The following RAB10 variants were observed in gnomAD, a reference collection of about 807,000 sequenced individuals.
RAB10 encodes ras-related protein Rab-10.
A neutral mutation model predicts 25.7 loss-of-function variants in RAB10; 5 were observed. That is an observed-to-expected ratio of 0.19 (90% confidence interval 0.10 to 0.41). The LOEUF (loss-of-function observed/expected upper bound fraction) is 0.41, where lower values mean the gene tolerates loss of function less well. Ranked by LOEUF, RAB10 falls within the 10% of genes least tolerant of loss-of-function variation. RAB10 has a pLI of 1.00. For missense variants in RAB10, 103 were observed against 245.8 expected, an observed-to-expected ratio of 0.42 and a Z score of 3.89; for synonymous variants, 89 against 86.4, an observed-to-expected ratio of 1.03 and a Z score of -0.16.
intron 1 of RAB10, among the ~76,000 whole-genome samples, chr2:26,085,465 G>A (rs1424446771): frequency 6.6e-6 from 1 of 150,790 alleles, no homozygotes; most frequent in Admixed American, 6.6e-5. Flanking sequence ...CTCCAGCCTG[G>A]GTGGCAGAGC....
chr2:26,080,846 C>T (rs1666854349), intron 1 of RAB10, among the ~76,000 whole-genome samples: 1 of 152,092 alleles, frequency 6.6e-6, no homozygotes, highest in Non-Finnish European at 1.5e-5. Flanking sequence ...GAGAGAAACT[C>T]TGTAGATACC....
intron 2 of RAB10, 36 bp from the exon 3 acceptor site, chr2:26,109,732 A>C: frequency 6.6e-7 from 1 of 1,505,872 alleles, no homozygotes; most frequent in East Asian, 2.5e-5. Flanking sequence ...AGTAATATCA[A>C]AATGCTTAAT....
chr2:26,086,808 A>G (rs915937048), intron 1 of RAB10, among the ~76,000 whole-genome samples: 27 of 152,260 alleles, frequency 1.8e-4, no homozygotes, highest in Admixed American at 7.9e-4. Context: ...AAAACGGTAT[A>G]CTAATATGTG....
chr2:26,041,048 TTC>T (rs1287162847), intron 1 of RAB10, among the ~76,000 whole-genome samples: 1 of 152,174 alleles, frequency 6.6e-6, no homozygotes, highest in Non-Finnish European at 1.5e-5. Flanking sequence ...TTTTTTTTTT[TTC>T]TCATGTGTGC....
At chr2:26,056,941 T>A (rs7599132) in intron 1 of RAB10, among the ~76,000 whole-genome samples, 122,432 of 152,164 alleles carry the variant, frequency 0.8, 49,306 homozygotes, top group East Asian at 0.87. Context: ...GTGTGGTGCC[T>A]ACTATGAAGG....
chr2:26,033,831 C>T (rs1665692320), upstream of RAB10, among the ~76,000 whole-genome samples: 1 of 152,194 alleles, frequency 6.6e-6, no homozygotes, highest in South Asian at 2.1e-4. Context: ...TGCGCAGTCG[C>T]TAGGTAGCGT....
At chr2:26,085,260 G>A (rs1439946347) in intron 1 of RAB10, among the ~76,000 whole-genome samples, 1 of 152,108 alleles carries the variant, frequency 6.6e-6, no homozygotes, top group African/African-American at 2.4e-5. Context: ...AGGCAGAGGC[G>A]GGTGGATCAC....
chr2:26,082,817 A>AT (rs1666897294), intron 1 of RAB10, among the ~76,000 whole-genome samples: 1 of 152,150 alleles, frequency 6.6e-6, no homozygotes, highest in African/African-American at 2.4e-5. Flanking sequence ...GAACATAGAG[A>AT]TTTTTTTCAA....
intron 1 of RAB10, among the ~76,000 whole-genome samples, chr2:26,078,914 G>A (rs1000541952): frequency 1.3e-5 from 2 of 152,146 alleles, no homozygotes; most frequent in Admixed American, 6.5e-5. Flanking sequence ...ACTTGGCCAG[G>A]TGTGGTGGCT....
intron 1 of RAB10, among the ~76,000 whole-genome samples, chr2:26,097,282 G>C (rs762722767): frequency 2.6e-5 from 4 of 151,882 alleles, no homozygotes; most frequent in Non-Finnish European, 4.4e-5. Context: ...TCTTTTCTTT[G>C]TTTGTTTTTG....
At chr2:26,133,093 G>GA (rs1239397543) in intron 5 of RAB10, among the ~76,000 whole-genome samples, 16 of 152,266 alleles carry the variant, frequency 1.1e-4, no homozygotes, top group African/African-American at 3.9e-4. Context: ...GTAAGTAGGA[G>GA]AGCTCTAAGG....
chr2:26,086,352 G>A (rs1454140000), intron 1 of RAB10, among the ~76,000 whole-genome samples: 1 of 152,130 alleles, frequency 6.6e-6, no homozygotes, highest in Non-Finnish European at 1.5e-5. Flanking sequence ...CACATGGAAA[G>A]TTCTCAACAT....
chr2:26,052,064 A>C (rs906370526), intron 1 of RAB10, among the ~76,000 whole-genome samples: 10 of 151,740 alleles, frequency 6.6e-5, no homozygotes, highest in Middle Eastern at 3.4e-3. Context: ...CTCAAAAAAA[A>C]AAAAACAAAA....
At chr2:26,119,851 T>C (rs949100688) in intron 3 of RAB10, among the ~76,000 whole-genome samples, 1 of 152,190 alleles carries the variant, frequency 6.6e-6, no homozygotes, top group African/African-American at 2.4e-5. Flanking sequence ...TGAGCTAGAA[T>C]TATATTTATG....
intron 3 of RAB10, among the ~76,000 whole-genome samples, chr2:26,124,389 C>CTTTTTTTTTTTT (rs10669615): frequency 0.024 from 481 of 19,676 alleles, 197 homozygotes; most frequent in East Asian, 0.039. Flanking sequence ...GTTGTTGTTG[C>CTTTTTTTTTTTT]TTTTTTTTTT....
At chr2:26,129,261 T>G (rs1667965145) in intron 5 of RAB10, among the ~76,000 whole-genome samples, 1 of 90,450 alleles carries the variant, frequency 1.1e-5, no homozygotes, top group South Asian at 4.4e-4. Flanking sequence ...AGACCAAGAC[T>G]CCATCTCAAA....
intron 3 of RAB10, among the ~76,000 whole-genome samples, chr2:26,121,207 C>T (rs151006788): frequency 2.6e-3 from 394 of 152,288 alleles, no homozygotes; most frequent in African/African-American, 8.7e-3. Context: ...CCACCACATG[C>T]GGTATAATTT....
At chr2:26,051,370 C>T (rs1329233863) in intron 1 of RAB10, among the ~76,000 whole-genome samples, 1 of 70,486 alleles carries the variant, frequency 1.4e-5, no homozygotes, top group African/African-American at 4.6e-5. Context: ...GCCCCCCCCC[C>T]CCCCCCCCGT....
At chr2:26,071,793 G>T (rs1666632218) in intron 1 of RAB10, among the ~76,000 whole-genome samples, 1 of 152,024 alleles carries the variant, frequency 6.6e-6, no homozygotes, top group South Asian at 2.1e-4. Context: ...TTTGAGCCTG[G>T]GAGTTTGAGC....
Sources: allele counts gnomAD v4.1 joint callset (sites outside exome capture counted in the v4.1 genomes callset), GRCh38; gene constraint gnomAD v4.1.1; transcripts MANE v1.5; gene names NCBI Gene and HGNC (gene_info 2026-07-23, HGNC 2026-07-21).